Variants in MEDAG observed in about 807,000 individuals in gnomAD.
MEDAG encodes mesenteric estrogen-dependent adipogenesis protein.
Under a neutral mutation model 29.9 loss-of-function variants are expected in MEDAG, and 25 were observed. The observed-to-expected ratio is 0.84, with a 90% confidence interval of 0.61 to 1.17. The LOEUF is 1.17. MEDAG is among the 50% of genes most tolerant of loss of function. The pLI, the probability that MEDAG is intolerant of heterozygous loss-of-function variation, is 0.00. For missense variants in MEDAG, 398 were observed against 372.9 expected (o/e 1.07, Z -0.56); for synonymous variants, 158 against 148.2 (o/e 1.07, Z -0.48).
At chr13:30,910,772 C>T (rs936243452) in intron 1 of MEDAG, among the ~76,000 whole-genome samples, 4 of 152,190 alleles carry the variant, frequency 2.6e-5, no homozygotes, top group African/African-American at 9.6e-5. Context: ...TGAAGCGGCA[C>T]TCATAGGGGT....
At chr13:30,918,177 A>G (rs908025706) in intron 2 of MEDAG, among the ~76,000 whole-genome samples, 18 of 152,192 alleles carry the variant, frequency 1.2e-4, no homozygotes, top group African/African-American at 4.3e-4. Context: ...GACTAGAGTG[A>G]TGAGGATGAT....
chr13:30,920,493 G>A (rs1223121608), intron 2 of MEDAG, among the ~76,000 whole-genome samples: 1 of 152,098 alleles, frequency 6.6e-6, no homozygotes, highest in Non-Finnish European at 1.5e-5. Flanking sequence ...GAAGGCTGAG[G>A]CAGGAGGATC....
rs981123290 is a variant in MEDAG, at chr13:30,909,996, A to G, written c.278+3203A>G. On this transcript the variant is annotated intron_variant, in intron 1 of 4. Coordinates refer to ENST00000380482, the MANE Select transcript of MEDAG (RefSeq NM_032849.4). ...AGCTCTAAAGCTCCTTCAAAAACCT[A>G]CTTTAAAAATATTTGTCCTATTTTG... is the stretch of plus-strand genomic sequence containing the variant. 8.9e-4 allele frequency among the ~76,000 whole-genome samples: 136 copies of G among 152,218 alleles called. 13 individuals are homozygous for G. Among genetic ancestry groups the G allele is most frequent in the Non-Finnish European group, 1.5e-5 (1 of 68,044 alleles).
rs1309673795 is a variant in MEDAG, at chr13:30,924,754, C to T, written c.*319C>T. 5.1e-6 allele frequency: 1 copy of T among 196,864 alleles called. No individual in the cohort carries two copies. The highest frequency in any genetic ancestry group is 1.0e-5 in the Non-Finnish European group (1 of 97,936). The allele number at this position is 196,864 out of a possible 1,614,324, so 12.2% of individuals were successfully genotyped here. ...CAGAAGGGCCACAGAGTTCTGCCAC[C>T]CTGAACATTTTTCTCAGTTCCCTGG... On this transcript the variant is annotated 3_prime_UTR_variant, in exon 5 of 5. Transcript: ENST00000380482.
At position 30,925,445 on chromosome 13, in the gene MEDAG, T is replaced by C. The variant is rs137995588; in HGVS notation, c.*1010T>C. On this transcript the variant is annotated 3_prime_UTR_variant, in exon 5 of 5. Transcript: ENST00000380482. Reference sequence around the variant, plus strand: ...ATCCTTTCTTAAAAAGTTTCTGTATTATGCATTTTGATAACACTACTGATG... The same window carrying C: ...ATCCTTTCTTAAAAAGTTTCTGTATCATGCATTTTGATAACACTACTGATG... 8 of 152,344 alleles carry C rather than the reference T, an allele frequency of 5.3e-5. No homozygotes were observed. In the East Asian group the frequency reaches 1.5e-3, roughly 29 times the overall value. 9.4% of individuals were successfully genotyped at this position (152,344 alleles called of 1,614,324 possible). A position where few individuals can be genotyped will look rare whatever the true frequency, so the allele number is the denominator to read the frequency against.
In MEDAG at chr13:30,914,661, C is replaced by T. The variant is rs531425274; in HGVS notation, c.279-2742C>T. ...CCATGCCAAATACCTGCTCTTTGAG[C>T]CCAGTAGCATTGAAAAAAGCCTTCC... is the stretch of plus-strand genomic sequence containing the variant. On this transcript the variant is annotated intron_variant, in intron 1 of 4. Transcript: ENST00000380482. Among the ~76,000 whole-genome samples the T allele has an allele frequency of 2.0e-5, 3 of 152,264 alleles. No individual in the cohort carries two copies. In the South Asian group the frequency reaches 6.2e-4, roughly 32 times the overall value.
At chr13:30,924,031 GTAAC>G (rs1208848573) in intron 4 of MEDAG, among the ~76,000 whole-genome samples, 1 of 152,168 alleles carries the variant, frequency 6.6e-6, no homozygotes. Flanking sequence ...TCTGTCCTCA[GTAAC>G]TATTCCCAAA....
Position 30,906,340 on chromosome 13 carries a change from G to C in MEDAG, c.-176G>C. ...TTGGGAGGGGCCGCCCGGGCGGTCAGACTGGCACCTGAGCGGCCACCGCGT... is the reference window on the plus strand; with the variant it reads ...TTGGGAGGGGCCGCCCGGGCGGTCACACTGGCACCTGAGCGGCCACCGCGT... On this transcript the variant is annotated 5_prime_UTR_variant, in exon 1 of 5. Transcript: ENST00000380482. 1 of 577,060 alleles carries C rather than the reference G, an allele frequency of 1.7e-6. No individual in the cohort carries two copies. Among genetic ancestry groups the C allele is most frequent in the Non-Finnish European group, 2.6e-6 (1 of 379,620 alleles). The allele number at this position is 577,060 out of a possible 1,614,324, so 35.7% of individuals were successfully genotyped here.
chr13:30,918,899 C>A lies in MEDAG; in HGVS notation c.388+1387C>A, dbSNP rs370960903. ...CACGTGTTCTTTGGCTTGATTATAACCAGAAAGCCAGATAGTTCTTTAGGA... is the reference window on the plus strand; with the variant it reads ...CACGTGTTCTTTGGCTTGATTATAAACAGAAAGCCAGATAGTTCTTTAGGA... On this transcript the variant is annotated intron_variant, in intron 2 of 4. Transcript: ENST00000380482. Among the ~76,000 whole-genome samples the A allele has an allele frequency of 7.3e-4, 111 of 152,268 alleles. 1 individual carries two copies. The East Asian group carries it at 0.013, about 19-fold the overall frequency.
Position 30,921,686 on chromosome 13 carries a change from G to A in MEDAG, c.627G>A (p.Gly209=), listed in dbSNP as rs1347639535. Residue 209 remains glycine, a synonymous_variant, in exon 4 of 5, where the codon GGG becomes GGA. Transcript: ENST00000380482. ...DALFDFFYWF[G]LSNSVVKVNG... ...TATTTGATTTCTTCTATTGGTTTGG[G>A]CTCAGTAATTCCGTTGTAAAAGTAA... The A allele has an allele frequency of 1.7e-5, 27 of 1,613,894 alleles. No homozygotes were observed. Among genetic ancestry groups the A allele is most frequent in the Non-Finnish European group, 2.1e-5 (25 of 1,179,994 alleles).
At chr13:30,915,957 C>G (rs538981800) in intron 1 of MEDAG, 1 of 152,284 alleles carries the variant, frequency 6.6e-6, no homozygotes, top group Admixed American at 6.5e-5. Context: ...CTCCCTACCC[C>G]AGGAACAGCT....
intron 1 of MEDAG, among the ~76,000 whole-genome samples, chr13:30,915,293 A>G (rs1952917020): frequency 6.6e-6 from 1 of 152,216 alleles, no homozygotes; most frequent in Admixed American, 6.5e-5. Flanking sequence ...TTGCATAGTA[A>G]TTCTGAAATA....
At chr13:30,911,595 AC>A (rs1440260141) in intron 1 of MEDAG, among the ~76,000 whole-genome samples, 3 of 151,404 alleles carry the variant, frequency 2.0e-5, no homozygotes, top group Non-Finnish European at 4.4e-5. Flanking sequence ...TACCCATCTT[AC>A]CCCAGTACGT....
At chr13:30,912,359 C>T (rs55990229) in intron 1 of MEDAG, among the ~76,000 whole-genome samples, 57 of 152,244 alleles carry the variant, frequency 3.7e-4, no homozygotes, top group African/African-American at 1.3e-3. Flanking sequence ...CCTGCTTCCC[C>T]CAAGAGTAAA....
chr13:30,917,654 T>TA, intron 2 of MEDAG, 142 bp downstream of exon 2: 1 of 601,834 alleles, frequency 1.7e-6, no homozygotes, highest in South Asian at 2.0e-5. Flanking sequence ...TCAGGAAACT[T>TA]ACAATCATGG....
At chr13:30,913,358 G>A (rs1288616552) in intron 1 of MEDAG, among the ~76,000 whole-genome samples, 2 of 152,212 alleles carry the variant, frequency 1.3e-5, no homozygotes, top group African/African-American at 2.4e-5. Context: ...TAGGAGTATA[G>A]GCATGCACCA....
rs544913532 is a variant in MEDAG at position 30,910,154 on chromosome 13, T to C, written c.278+3361T>C. Among the ~76,000 whole-genome samples, 19 of 151,220 alleles carry C rather than the reference T, an allele frequency of 1.3e-4. No homozygotes were observed. The South Asian group carries it at 3.8e-3, about 30-fold the overall frequency. ...ATTCAGGGAGCCATTCATTCAATAC[T>C]TAAAAGTCAAAATTACCATTAACTA... On this transcript the variant is annotated intron_variant, in intron 1 of 4. Transcript: ENST00000380482.
Position 30,924,496 on chromosome 13 carries a change from G to A in MEDAG, c.*61G>A, listed in dbSNP as rs1272606085. ...CAGGCCTGTGCTAGACTATAGGCTG[G>A]GGGGAGGGTAGGAGGTGGGAGGCAG... On this transcript the variant is annotated 3_prime_UTR_variant, in exon 5 of 5. Coordinates refer to ENST00000380482, the MANE Select transcript of MEDAG (RefSeq NM_032849.4). The A allele has an allele frequency of 2.6e-6, 4 of 1,532,806 alleles. No homozygotes were observed. The highest frequency in any genetic ancestry group is 1.3e-5 in the South Asian group (1 of 79,086). 95.0% of individuals were successfully genotyped at this position (1,532,806 alleles called of 1,614,324 possible).
At chr13:30,915,648 C>T (rs1228419266) in intron 1 of MEDAG, among the ~76,000 whole-genome samples, 3 of 151,788 alleles carry the variant, frequency 2.0e-5, no homozygotes, top group Non-Finnish European at 4.4e-5. Context: ...ATGTGCAACA[C>T]CAGCACCACT....
Sources: allele counts gnomAD v4.1 joint callset (sites outside exome capture counted in the v4.1 genomes callset), GRCh38; gene constraint gnomAD v4.1.1; transcripts MANE v1.5; gene names NCBI Gene and HGNC (gene_info 2026-07-23, HGNC 2026-07-21).